Variants in PRH1 observed in about 807,000 individuals in gnomAD.
PRH1 encodes the protein proline rich protein HaeIII subfamily 1.
Under a neutral mutation model 7.9 loss-of-function variants are expected in PRH1, and 7 were observed. The ratio of observed to expected loss-of-function variants is 0.89; its 90% CI spans 0.50 to 1.67. The LOEUF (loss-of-function observed/expected upper bound fraction) is 1.67. Among genes scored for constraint, PRH1 ranks in the 40% most tolerant of loss-of-function variants. The pLI, the probability that PRH1 is intolerant of heterozygous loss-of-function variation, is 0.00. For missense variants in PRH1, 109 were observed against 223.6 expected, an observed-to-expected ratio of 0.49 and a Z score of 3.27; for synonymous variants, 45 against 80.8, an observed-to-expected ratio of 0.56 and a Z score of 2.38.
At chr12:11,028,079 T>G (rs1362835253) in intron 1 of PRH1, among the ~76,000 whole-genome samples, 2 of 152,192 alleles carry the variant, frequency 1.3e-5, no homozygotes, top group African/African-American at 4.8e-5. Flanking sequence ...CCAATTCCCC[T>G]GGCCAGCACC....
At chr12:10,967,879 G>A (rs1938584425) in intron 2 of PRH1, among the ~76,000 whole-genome samples, 1 of 152,168 alleles carries the variant, frequency 6.6e-6, no homozygotes, top group African/African-American at 2.4e-5. Flanking sequence ...AAGAGGTGAG[G>A]GGAAACTTAC....
chr12:11,064,152 A>G (rs67861347), intron 1 of PRH1, among the ~76,000 whole-genome samples: 46,494 of 151,954 alleles, frequency 0.31, 8,974 homozygotes, highest in East Asian at 0.74. Context: ...TGAGATAAGC[A>G]ATATCCAAAA....
chr12:10,903,285 T>G (rs2110093), intron 2 of PRH1, among the ~76,000 whole-genome samples: 74,585 of 151,634 alleles, frequency 0.49, 20,741 homozygotes, highest in East Asian at 0.72. Context: ...AATAATAAAG[T>G]GTTCAATTCA....
rs2298863 is a variant in PRH1 at position 10,882,000 on chromosome 12, T to C, written c.*18+217A>G. 5.4e-4 allele frequency among the ~76,000 whole-genome samples: 82 copies of C among 152,278 alleles called. No homozygotes were observed. In the East Asian group the frequency reaches 0.014, roughly 26 times the overall value. ...CTACTTAAGACATGTAATTTGAAGATAGTGATTCTCAAAATCAGAATTGCC... is the reference window on the plus strand; with the variant it reads ...CTACTTAAGACATGTAATTTGAAGACAGTGATTCTCAAAATCAGAATTGCC... On this transcript the variant is annotated intron_variant, in intron 3 of 3. Transcript: ENST00000543626.
intron 1 of PRH1, among the ~76,000 whole-genome samples, chr12:10,981,522 A>C (rs1470413446): frequency 6.6e-6 from 1 of 151,498 alleles, no homozygotes; most frequent in Non-Finnish European, 1.5e-5. Flanking sequence ...TACAGGTGCA[A>C]CACCACCACA....
At chr12:11,151,427 G>A (rs926926502) in intron 1 of PRH1, among the ~76,000 whole-genome samples, 1 of 152,206 alleles carries the variant, frequency 6.6e-6, no homozygotes, top group African/African-American at 2.4e-5. Context: ...AATGAAAGAT[G>A]AGAGCCAATA....
At chr12:10,911,660 C>A (rs1949901679) in intron 2 of PRH1, among the ~76,000 whole-genome samples, 1 of 152,070 alleles carries the variant, frequency 6.6e-6, no homozygotes, top group Admixed American at 6.5e-5. Flanking sequence ...TCATATTGTG[C>A]CTATGAGAAT....
At chr12:11,086,114 A>ATG (rs1944682239) in intron 1 of PRH1, among the ~76,000 whole-genome samples, 1 of 32,430 alleles carries the variant, frequency 3.1e-5, no homozygotes, top group South Asian at 7.9e-4. Flanking sequence ...TCCCCCCCCC[A>ATG]CACACACACC....
At chr12:11,133,414 G>A in intron 1 of PRH1, 1 of 1,613,978 alleles carries the variant, frequency 6.2e-7, no homozygotes. Context: ...AAATCAGGAT[G>A]AATGGGTGGG....
intron 2 of PRH1, among the ~76,000 whole-genome samples, chr12:10,926,316 C>T (rs1451852998): frequency 6.6e-6 from 1 of 152,152 alleles, no homozygotes; most frequent in Admixed American, 6.5e-5. Flanking sequence ...TCCCCTCTGC[C>T]AATGTTCATC....
At chr12:11,134,097 C>A in intron 1 of PRH1, 2 of 1,614,122 alleles carry the variant, frequency 1.2e-6, no homozygotes, top group Non-Finnish European at 1.7e-6. Context: ...ACCGCCAGAG[C>A]AGTGAGAATT....
intron 1 of PRH1, among the ~76,000 whole-genome samples, chr12:11,016,585 C>T (rs1868763): frequency 0.015 from 2,318 of 152,258 alleles, 19 homozygotes; most frequent in South Asian, 0.031. Flanking sequence ...AAGAGATATT[C>T]CCACCTCCGC....
chr12:11,164,814 C>T (rs773942491), intron 1 of PRH1, among the ~76,000 whole-genome samples: 11 of 151,934 alleles, frequency 7.2e-5, no homozygotes, highest in Admixed American at 3.9e-4. Context: ...TATGAAAAAC[C>T]GTTTTAATTA....
intron 1 of PRH1, among the ~76,000 whole-genome samples, chr12:11,091,115 C>CACACACATATATATATATATATATATAT (rs751016037): frequency 1.1e-3 from 28 of 25,120 alleles, no homozygotes; most frequent in Non-Finnish European, 1.9e-3. Flanking sequence ...CACACACACA[C>CACACACATATATATATATATATATATAT]ATATATATAT....
intron 1 of PRH1, among the ~76,000 whole-genome samples, chr12:11,038,831 G>A (rs78003438): frequency 0.098 from 11,903 of 121,910 alleles, no homozygotes; most frequent in East Asian, 0.31. Flanking sequence ...TGCCATACTC[G>A]GCCGAAATGA....
chr12:10,887,585 G>C (rs1205239708), upstream of PRH1, among the ~76,000 whole-genome samples: 1 of 144,842 alleles, frequency 6.9e-6, no homozygotes, highest in African/African-American at 2.5e-5. Flanking sequence ...GCAGTGGCAT[G>C]ATCTCAGCTC....
intron 1 of PRH1, among the ~76,000 whole-genome samples, chr12:10,981,854 C>G (rs2135971989): frequency 7.2e-6 from 1 of 137,984 alleles, no homozygotes; most frequent in South Asian, 2.3e-4. Context: ...CACACTACCA[C>G]AAACAACTAA....
intron 1 of PRH1, among the ~76,000 whole-genome samples, chr12:11,008,296 T>C (rs960519451): frequency 1.3e-5 from 2 of 152,046 alleles, no homozygotes; most frequent in African/African-American, 4.8e-5. Context: ...CTATGAGACA[T>C]TTCTCCTAAT....
intron 2 of PRH1, among the ~76,000 whole-genome samples, chr12:10,951,870 A>C (rs114033618): frequency 0.02 from 3,004 of 152,192 alleles, 35 homozygotes; most frequent in South Asian, 0.031. Flanking sequence ...ATCAGTCTCC[A>C]ATGTTGGGTT....
Sources: gnomAD v4.1 joint callset for allele counts (sites outside exome capture counted in the v4.1 genomes callset) on GRCh38, gnomAD v4.1.1 for gene constraint, MANE v1.5 for transcripts, NCBI Gene and HGNC (gene_info 2026-07-23, HGNC 2026-07-21) for gene names.